PRH1: variants seen among roughly 807,000 people sequenced by gnomAD.
PRH1 encodes the protein salivary acidic proline-rich phosphoprotein 1/2.
A neutral mutation model predicts 7.9 loss-of-function variants in PRH1; 7 were observed. The ratio of observed to expected loss-of-function variants is 0.89; its 90% confidence interval spans 0.50 to 1.67. The LOEUF (loss-of-function observed/expected upper bound fraction) is 1.67, where lower values mean the gene tolerates loss of function less well. PRH1 is among the 40% of genes most tolerant of loss of function. The pLI is 0.00. For synonymous variants in PRH1, 45 were observed against 80.8 expected, an observed-to-expected ratio of 0.56 and a Z score of 2.38; for missense variants, 109 against 223.6, an observed-to-expected ratio of 0.49 and a Z score of 3.27.
chr12:10,986,194 C>T, intron 1 of PRH1: 1 of 1,614,006 alleles, frequency 6.2e-7, no homozygotes, highest in Non-Finnish European at 8.5e-7. Flanking sequence ...TTTATGTGGA[C>T]CTTGGTGCTG....
intron 1 of PRH1, among the ~76,000 whole-genome samples, chr12:11,040,317 AT>A (rs891496941): frequency 2.0e-5 from 3 of 152,178 alleles, no homozygotes; most frequent in Non-Finnish European, 2.9e-5. Context: ...AGGAAACCAG[AT>A]TTTCTGCTTC....
chr12:10,965,819 T>C (rs1541526), intron 2 of PRH1, among the ~76,000 whole-genome samples: 151,652 of 152,360 alleles, frequency 1, 75,476 homozygotes, highest in Non-Finnish European at 1. Flanking sequence ...GGAGATTAGT[T>C]ATAACTAGGA....
At chr12:10,934,092 G>A (rs145101559) in intron 2 of PRH1, among the ~76,000 whole-genome samples, 1 of 152,136 alleles carries the variant, frequency 6.6e-6, no homozygotes, top group Non-Finnish European at 1.5e-5. Context: ...ATAAGAAAAT[G>A]ATTATTCACA....
chr12:11,113,609 A>C (rs149860270), intron 1 of PRH1, among the ~76,000 whole-genome samples: 1 of 152,306 alleles, frequency 6.6e-6, no homozygotes, highest in Non-Finnish European at 1.5e-5. Context: ...AACCATAAAA[A>C]CCCTAGAAGA....
chr12:11,130,268 A>G (rs959579225), intron 1 of PRH1, among the ~76,000 whole-genome samples: 1 of 152,234 alleles, frequency 6.6e-6, no homozygotes, highest in Non-Finnish European at 1.5e-5. Context: ...GAAAATAGAT[A>G]AATCAGAGAA....
rs146833217 is a variant in PRH1, at chr12:10,938,949, T to C, written c.-59+34706A>G. The stretch of plus-strand genomic sequence containing the variant: ...AAATGATTGATCACTGTCCAGATAT[T>C]AGTAAGCATTCTGAACATTTTTTCA... On this transcript the variant is annotated intron_variant, in intron 2 of 3. Coordinates refer to the PRH1 transcript ENST00000539853. 2.5e-6 allele frequency: 4 copies of C among 1,613,718 alleles called. No homozygotes were observed. The highest frequency in any genetic ancestry group is 1.7e-4 in the Middle Eastern group (1 of 6,052).
At chr12:11,056,348 A>G (rs946463731) in intron 1 of PRH1, among the ~76,000 whole-genome samples, 4 of 152,208 alleles carry the variant, frequency 2.6e-5, no homozygotes, top group African/African-American at 9.6e-5. Flanking sequence ...GGTTTAGATG[A>G]ATAGATGTTA....
intron 1 of PRH1, among the ~76,000 whole-genome samples, chr12:11,039,143 A>G (rs1338784800): frequency 6.6e-6 from 1 of 152,224 alleles, no homozygotes; most frequent in Admixed American, 6.5e-5. Context: ...GAAAATATAA[A>G]TATATTATTG....
chr12:11,152,391 A>C (rs754375236), intron 1 of PRH1, among the ~76,000 whole-genome samples: 9 of 152,142 alleles, frequency 5.9e-5, no homozygotes, highest in Non-Finnish European at 1.3e-4. Flanking sequence ...GTATTTCTTC[A>C]CAAGAAAATT....
At chr12:10,884,602 T>C (rs1949462056), upstream of PRH1, among the ~76,000 whole-genome samples, 1 of 152,186 alleles carries the variant, frequency 6.6e-6, no homozygotes, top group Non-Finnish European at 1.5e-5. Flanking sequence ...CATTTCTGTG[T>C]ATGTGAGTTT....
At chr12:11,083,857 C>T (rs1944582250) in intron 1 of PRH1, among the ~76,000 whole-genome samples, 1 of 150,926 alleles carries the variant, frequency 6.6e-6, no homozygotes, top group African/African-American at 2.4e-5. Context: ...TAATTCCTCT[C>T]ATATCTATGA....
At chr12:11,060,630 C>T (rs1943554548) in intron 1 of PRH1, among the ~76,000 whole-genome samples, 1 of 152,038 alleles carries the variant, frequency 6.6e-6, no homozygotes, top group African/African-American at 2.4e-5. Context: ...CATGATTTTT[C>T]ATCCCTATTA....
intron 1 of PRH1, among the ~76,000 whole-genome samples, chr12:11,167,789 C>T (rs140487075): frequency 6.6e-6 from 1 of 152,312 alleles, no homozygotes; most frequent in East Asian, 1.9e-4. Context: ...TGTAGCCTAC[C>T]TAGTTTACTC....
chr12:10,990,865 G>C (rs1052932746), intron 1 of PRH1, among the ~76,000 whole-genome samples: 3 of 152,216 alleles, frequency 2.0e-5, no homozygotes, highest in Non-Finnish European at 4.4e-5. Context: ...TTCTGAAAGA[G>C]AGAAAATGTT....
At chr12:11,040,868 A>G (rs1942679357) in intron 1 of PRH1, among the ~76,000 whole-genome samples, 1 of 152,182 alleles carries the variant, frequency 6.6e-6, no homozygotes, top group African/African-American at 2.4e-5. Flanking sequence ...AAACAGTACT[A>G]AGTGGTTATT....
At chr12:10,951,624 C>T (rs1031981744) in intron 2 of PRH1, among the ~76,000 whole-genome samples, 4 of 152,086 alleles carry the variant, frequency 2.6e-5, no homozygotes, top group Non-Finnish European at 4.4e-5. Context: ...CAATATTTAT[C>T]GAACTGATCT....
At chr12:11,130,328 T>C (rs2136355518) in intron 1 of PRH1, among the ~76,000 whole-genome samples, 1 of 152,344 alleles carries the variant, frequency 6.6e-6, no homozygotes, top group South Asian at 2.1e-4. Flanking sequence ...TTAGTGTCCC[T>C]AGTCCACATG....
intron 1 of PRH1, among the ~76,000 whole-genome samples, chr12:10,979,189 C>T (rs1230626328): frequency 1.3e-5 from 2 of 152,148 alleles, no homozygotes; most frequent in Admixed American, 6.5e-5. Context: ...ATCTATACAG[C>T]AAGTTCCCAT....
rs190064780 is a variant in PRH1, at chr12:10,890,245, C to A, written c.-58-5970G>T. On this transcript the variant is annotated intron_variant, in intron 2 of 3. Coordinates refer to the PRH1 transcript ENST00000539853. ...CCCACTAACATTTTTGGTGGTTTTC[C>A]CTGGGTCAATCTCTCTGGCACTTAT... 1.4e-4 allele frequency among the ~76,000 whole-genome samples: 22 copies of A among 152,176 alleles called. 1 individual carries two copies. Among genetic ancestry groups the A allele is most frequent in the Admixed American group, 1.1e-3 (17 of 15,274 alleles).
Sources: allele counts gnomAD v4.1 joint callset (sites outside exome capture counted in the v4.1 genomes callset), GRCh38; gene constraint gnomAD v4.1.1; transcripts MANE v1.5; gene names NCBI Gene and HGNC (gene_info 2026-07-23, HGNC 2026-07-21).